Variants in GPR52 observed in about 807,000 individuals in gnomAD.
The protein encoded by GPR52 is probable G-protein coupled receptor 52.
In GPR52, 8 loss-of-function variants were observed where a neutral mutation model predicts 24.0. The ratio of observed to expected loss-of-function variants is 0.33; its 90% confidence interval spans 0.20 to 0.60. GPR52 has a LOEUF of 0.60. GPR52 is among the 20% of genes least tolerant of loss of function. GPR52 has a pLI of 0.82. For missense variants in GPR52, 412 were observed against 447.7 expected (o/e 0.92, Z 0.72); for synonymous variants, 144 against 158.1 (o/e 0.91, Z 0.67).
chr1:174,448,418 C>T lies in GPR52; in HGVS notation c.307C>T (p.His103Tyr), dbSNP rs1655037344. The change falls in exon 1 of 1, where the codon CAC (histidine) becomes TAC (tyrosine). Residue 103 changes from histidine to tyrosine, a missense_variant. Physicochemically the swap from His to Tyr is moderately conservative, Grantham distance 83. Transcript: ENST00000367685. The surrounding 1 kb of genome is among the most constrained non-coding windows in gnomAD (Gnocchi z 4.2). ...CTTGGTTCCTACTCTGTCACTTCTC[C>T]ACTACTCCACAGGTGTCCACGAGTC... ...SCLVPTLSLL[H>Y]YSTGVHESLT... 1 of 1,612,334 alleles carries T rather than the reference C, an allele frequency of 6.2e-7. No homozygotes were observed. The highest frequency in any genetic ancestry group is 1.3e-5 in the African/African-American group (1 of 74,876).
At position 174,448,878 on chromosome 1, in the gene GPR52, G is replaced by T; in HGVS notation, c.767G>T (p.Gly256Val). ...GAGGTAGATTCTTCCAGAGAGACTG[G>T]ACACAGCCCTGACCGTCGCTACGCC... The part of the protein sequence containing the change: ...SHEVDSSRET[G>V]HSPDRRYAMV... Residue 256 changes from glycine to valine, a missense_variant, in exon 1 of 1, where the codon GGA becomes GTA. By Grantham distance (109) the Gly-to-Val change is moderately radical (BLOSUM62 -3). Transcript: ENST00000367685. This position sits in a 1 kb window ranked among gnomAD's most constrained non-coding sequence, Gnocchi z 4.2. The T allele has an allele frequency of 1.2e-6, 2 of 1,613,768 alleles. No homozygotes were observed. The highest frequency in any genetic ancestry group is 2.2e-5 in the South Asian group (2 of 91,072).
In GPR52 at chr1:174,448,891, C is replaced by T; in HGVS notation, c.780C>T (p.Asp260=). 6.2e-7 allele frequency: 1 copy of T among 1,613,332 alleles called. No homozygotes were observed. The highest frequency in any genetic ancestry group is 2.2e-5 in the East Asian group (1 of 44,882). ...CCAGAGAGACTGGACACAGCCCTGA[C>T]CGTCGCTACGCCATGGTTTTGTTTA... ...DSSRETGHSP[D]RRYAMVLFRI... is the part of the protein sequence containing the mutation. Residue 260 remains aspartate (D), a synonymous_variant, in exon 1 of 1, where the codon GAC becomes GAT. Transcript: ENST00000367685. This position sits in a 1 kb window ranked among gnomAD's most constrained non-coding sequence, Gnocchi z 4.2.
chr1:174,449,236 G>T lies in GPR52; in HGVS notation c.*39G>T, dbSNP rs1254279173. ...GTAAATCAAATGTAATCTGACAGTG[G>T]TTTTGGATCATATTCTAGATTCATC... On this transcript the variant is annotated 3_prime_UTR_variant, in exon 1 of 1. Coordinates refer to ENST00000367685, the MANE Select transcript of GPR52 (RefSeq NM_005684.5). 2 of 1,499,388 alleles carry T rather than the reference G, an allele frequency of 1.3e-6. No homozygotes were observed. The highest frequency in any genetic ancestry group is 1.8e-6 in the Non-Finnish European group (2 of 1,119,178). 92.9% of individuals were successfully genotyped at this position (1,499,388 alleles called of 1,614,324 possible). A position where few individuals can be genotyped will look rare whatever the true frequency, so the allele number is the denominator to read the frequency against.
At position 174,449,048 on chromosome 1, in the gene GPR52, A is replaced by G. The variant is rs1014236076; in HGVS notation, c.937A>G (p.Asn313Asp). 1 of 1,613,856 alleles carries G rather than the reference A, an allele frequency of 6.2e-7. No individual in the cohort carries two copies. The highest frequency in any genetic ancestry group is 8.5e-7 in the Non-Finnish European group (1 of 1,179,884). Residue 313 changes from asparagine to aspartate, a missense_variant, in exon 1 of 1, where the codon AAC becomes GAC. Asn to Asp is a conservative substitution (Grantham distance 23, BLOSUM62 1). Transcript: ENST00000367685. ...GCTTGCAATAAGTAATAGTTTTTGT[A>G]ACTGTGTAATATACAGCCTCTCCAA... ...TWLAISNSFC[N>D]CVIYSLSNSV...
chr1:174,449,204 C>G lies in GPR52; in HGVS notation c.*7C>G. 1 of 1,552,728 alleles carries G rather than the reference C, an allele frequency of 6.4e-7. No individual in the cohort carries two copies. The highest frequency in any genetic ancestry group is 8.7e-7 in the Non-Finnish European group (1 of 1,154,354). ...TAATTCTTGCTCCATTTGAAGAGAG[C>G]TACATAGTAAATCAAATGTAATCTG... On this transcript the variant is annotated 3_prime_UTR_variant, in exon 1 of 1. Transcript: ENST00000367685.
chr1:174,448,918 G>C lies in GPR52; in HGVS notation c.807G>C (p.Arg269Ser). Residue 269 changes from arginine to serine, a missense_variant, in exon 1 of 1, where the codon AGG (arginine) becomes AGC (serine). Coordinates refer to ENST00000367685, the MANE Select transcript of GPR52 (RefSeq NM_005684.5). This position sits in a 1 kb window ranked among gnomAD's most constrained non-coding sequence, Gnocchi z 4.2. ...GTCGCTACGCCATGGTTTTGTTTAG[G>C]ATAACCAGTGTATTTTATATGCTGT... ...PDRRYAMVLF[R>S]ITSVFYMLWL... 6.2e-7 allele frequency: 1 copy of C among 1,613,880 alleles called. No homozygotes were observed. The highest frequency in any genetic ancestry group is 8.5e-7 in the Non-Finnish European group (1 of 1,179,818).
At position 174,448,565 on chromosome 1, in the gene GPR52, C is replaced by T. The variant is rs758577089; in HGVS notation, c.454C>T (p.Leu152=). The T allele has an allele frequency of 1.9e-6, 3 of 1,613,686 alleles. No individual in the cohort carries two copies. The highest frequency in any genetic ancestry group is 2.2e-5 in the South Asian group (2 of 91,062). The change falls in exon 1 of 1, where the codon CTG becomes TTG. Residue 152 remains leucine (L), a synonymous_variant. Transcript: ENST00000367685. The surrounding 1 kb of genome is among the most constrained non-coding windows in gnomAD (Gnocchi z 4.2). Reference sequence around the variant, plus strand: ...AACCAAGCCTCTTTCCTACAATCAACTGGTCACCCCTTGTCGCTTGAGAAT... The same window carrying T: ...AACCAAGCCTCTTTCCTACAATCAATTGGTCACCCCTTGTCGCTTGAGAAT... ...AITKPLSYNQ[L]VTPCRLRICI...
Position 174,448,557 on chromosome 1 carries a change from A to G in GPR52, c.446A>G (p.Tyr149Cys), listed in dbSNP as rs999847740. 1.8e-5 allele frequency: 29 copies of G among 1,613,258 alleles called. No individual in the cohort carries two copies. The highest frequency in any genetic ancestry group is 2.3e-5 in the Non-Finnish European group (27 of 1,179,442). The part of the protein sequence containing the change: ...RYLAITKPLS[Y>C]NQLVTPCRLR... ...CTTGCAATAACCAAGCCTCTTTCCT[A>G]CAATCAACTGGTCACCCCTTGTCGC... Residue 149 changes from tyrosine (Y) to cysteine (C), a missense_variant, in exon 1 of 1, where the codon TAC becomes TGC. Physicochemically the swap from Tyr to Cys is radical, Grantham distance 194 (BLOSUM62 -2). Coordinates refer to ENST00000367685, the MANE Select transcript of GPR52 (RefSeq NM_005684.5). This position sits in a 1 kb window ranked among gnomAD's most constrained non-coding sequence, Gnocchi z 4.2.
At position 174,449,337 on chromosome 1, in the gene GPR52, CTTTTT is replaced by C; in HGVS notation, c.*145_*149del. 4 of 675,772 alleles carry C rather than the reference CTTTTT, an allele frequency of 5.9e-6. No individual in the cohort carries two copies. Among genetic ancestry groups the C allele is most frequent in the Non-Finnish European group, 9.6e-6 (4 of 414,574 alleles). 41.9% of individuals were successfully genotyped at this position (675,772 alleles called of 1,614,324 possible). On this transcript the variant is annotated 3_prime_UTR_variant, in exon 1 of 1. Transcript: ENST00000367685. ...GAAGTATGAGACTAAAGGTTTCTCTCTTTTTTTTTCTTTTTCATGGAAGAAACTAA... is the reference window on the plus strand; with the variant it reads ...GAAGTATGAGACTAAAGGTTTCTCTCTTTTCTTTTTCATGGAAGAAACTAA...
chr1:174,448,357 G>T lies in GPR52; in HGVS notation c.246G>T (p.Thr82=). The T allele has an allele frequency of 6.2e-7, 1 of 1,613,858 alleles. No homozygotes were observed. The highest frequency in any genetic ancestry group is 8.5e-7 in the Non-Finnish European group (1 of 1,179,826). Residue 82 remains threonine, a synonymous_variant, in exon 1 of 1, where the codon ACG becomes ACT. Coordinates refer to ENST00000367685, the MANE Select transcript of GPR52 (RefSeq NM_005684.5). The surrounding 1 kb of genome is among the most constrained non-coding windows in gnomAD (Gnocchi z 4.2). ...HHYTTSYFIQ[T]MAYADLFVGV... ...ATACTACCAGCTATTTCATTCAGAC[G>T]ATGGCATATGCTGATCTTTTCGTTG...
Position 174,449,373 on chromosome 1 carries a change from A to G in GPR52, c.*176A>G, listed in dbSNP as rs992102511. Among the ~76,000 whole-genome samples, 10 of 152,216 alleles carry G rather than the reference A, an allele frequency of 6.6e-5. No homozygotes were observed. Among genetic ancestry groups the G allele is most frequent in the Non-Finnish European group, 1.2e-4 (8 of 68,034 alleles). ...TTTTTCATGGAAGAAACTAAAGGGA[A>G]GGATGTATAGAGGGTTAGCTCATGA... On this transcript the variant is annotated 3_prime_UTR_variant, in exon 1 of 1. Transcript: ENST00000367685.
chr1:174,448,075 G>C lies in GPR52; in HGVS notation c.-37G>C, dbSNP rs763430882. The C allele has an allele frequency of 3.2e-6, 5 of 1,572,750 alleles. No individual in the cohort carries two copies. The highest frequency in any genetic ancestry group is 3.4e-4 in the Middle Eastern group (2 of 5,864). On this transcript the variant is annotated 5_prime_UTR_variant, in exon 1 of 1. Transcript: ENST00000367685. The surrounding 1 kb of genome is among the most constrained non-coding windows in gnomAD (Gnocchi z 4.2). ...ATGCTGGGCAGGGCATCTGCTTGCT[G>C]TAGCCAAGTCTGCAGGTGTCTTTAA...
Position 174,447,996 on chromosome 1 carries a change from C to G in GPR52, c.-116C>G. 2.5e-6 allele frequency: 2 copies of G among 792,862 alleles called. No individual in the cohort carries two copies. Among genetic ancestry groups the G allele is most frequent in the East Asian group, 5.2e-5 (2 of 38,146 alleles). 49.1% of individuals were successfully genotyped at this position (792,862 alleles called of 1,614,324 possible). A position where few individuals can be genotyped will look rare whatever the true frequency, so the allele number is the denominator to read the frequency against. On this transcript the variant is annotated 5_prime_UTR_variant, in exon 1 of 1. Transcript: ENST00000367685. Reference sequence around the variant, plus strand: ...GGGACTCTCAGCTGTGACAGAAGCACTGACACTGTCTACTGAAGCAGGTTC... The same window carrying G: ...GGGACTCTCAGCTGTGACAGAAGCAGTGACACTGTCTACTGAAGCAGGTTC...
rs1175136159 is a variant in GPR52, at chr1:174,449,049, A to G, written c.938A>G (p.Asn313Ser). The change falls in exon 1 of 1, where the codon AAC (asparagine) becomes AGC (serine). Residue 313 changes from asparagine (N) to serine (S), a missense_variant. Asn to Ser is a conservative substitution (Grantham distance 46, BLOSUM62 1). Transcript: ENST00000367685. ...CTTGCAATAAGTAATAGTTTTTGTA[A>G]CTGTGTAATATACAGCCTCTCCAAC... ...TWLAISNSFC[N>S]CVIYSLSNSV... 6.2e-7 allele frequency: 1 copy of G among 1,613,958 alleles called. No individual in the cohort carries two copies. Among genetic ancestry groups the G allele is most frequent in the Non-Finnish European group, 8.5e-7 (1 of 1,179,930 alleles).
In GPR52 at chr1:174,448,036, G is replaced by A. The variant is rs575824384; in HGVS notation, c.-76G>A. ...GAAGCAGGTTCTGAAACACTCATGT[G>A]CGGTGTTTAACAGATGCTGGGCAGG... is the stretch of plus-strand genomic sequence containing the variant. On this transcript the variant is annotated 5_prime_UTR_variant, in exon 1 of 1. Transcript: ENST00000367685. This position sits in a 1 kb window ranked among gnomAD's most constrained non-coding sequence, Gnocchi z 4.2. The A allele has an allele frequency of 9.8e-6, 12 of 1,227,434 alleles. No individual in the cohort carries two copies. The African/African-American group carries it at 1.2e-4, about 12-fold the overall frequency. The allele number at this position is 1,227,434 out of a possible 1,614,324, so 76.0% of individuals were successfully genotyped here. A position where few individuals can be genotyped will look rare whatever the true frequency, so the allele number is the denominator to read the frequency against.
At position 174,448,892 on chromosome 1, in the gene GPR52, C is replaced by A; in HGVS notation, c.781C>A (p.Arg261Ser). 1 of 1,613,196 alleles carries A rather than the reference C, an allele frequency of 6.2e-7. No individual in the cohort carries two copies. The highest frequency in any genetic ancestry group is 8.5e-7 in the Non-Finnish European group (1 of 1,179,202). ...CAGAGAGACTGGACACAGCCCTGAC[C>A]GTCGCTACGCCATGGTTTTGTTTAG... ...SSRETGHSPDRRYAMVLFRIT... is the reference protein window; with the variant it reads ...SSRETGHSPDSRYAMVLFRIT... The change falls in exon 1 of 1, where the codon CGT becomes AGT. Residue 261 changes from arginine (R) to serine (S), a missense_variant. Coordinates refer to ENST00000367685, the MANE Select transcript of GPR52 (RefSeq NM_005684.5). This position sits in a 1 kb window ranked among gnomAD's most constrained non-coding sequence, Gnocchi z 4.2.
chr1:174,448,501 A>G lies in GPR52; in HGVS notation c.390A>G (p.Ala130=), dbSNP rs1016306663. ...CAGTTCTAAAAAGTGTTTCTATGGC[A>G]TGTCTTGCTTGCATCAGTGTGGATC... ...IISVLKSVSM[A]CLACISVDRY... Residue 130 remains alanine (A), a synonymous_variant, in exon 1 of 1, where the codon GCA becomes GCG. Coordinates refer to ENST00000367685, the MANE Select transcript of GPR52 (RefSeq NM_005684.5). The surrounding 1 kb of genome is among the most constrained non-coding windows in gnomAD (Gnocchi z 4.2). 19 of 1,613,576 alleles carry G rather than the reference A, an allele frequency of 1.2e-5. No individual in the cohort carries two copies. The highest frequency in any genetic ancestry group is 1.6e-5 in the Non-Finnish European group (19 of 1,179,626).
Position 174,448,464 on chromosome 1 carries a change from G to T in GPR52, c.353G>T (p.Gly118Val). 6.2e-7 allele frequency: 1 copy of T among 1,613,850 alleles called. No individual in the cohort carries two copies. Among genetic ancestry groups the T allele is most frequent in the Non-Finnish European group, 8.5e-7 (1 of 1,179,804 alleles). Residue 118 changes from glycine to valine, a missense_variant, in exon 1 of 1, where the codon GGA becomes GTA. Coordinates refer to ENST00000367685, the MANE Select transcript of GPR52 (RefSeq NM_005684.5). The surrounding 1 kb of genome is among the most constrained non-coding windows in gnomAD (Gnocchi z 4.2). The part of the protein sequence containing the change: ...VHESLTCQVF[G>V]YIISVLKSVS... ...GAGTCATTGACTTGCCAGGTTTTTGGATATATCATCTCAGTTCTAAAAAGT... is the reference window on the plus strand; with the variant it reads ...GAGTCATTGACTTGCCAGGTTTTTGTATATATCATCTCAGTTCTAAAAAGT...
rs1399442381 is a variant in GPR52, at chr1:174,448,645, T to A, written c.534T>A (p.Phe178Leu). 1.2e-6 allele frequency: 2 copies of A among 1,613,806 alleles called. No homozygotes were observed. The highest frequency in any genetic ancestry group is 1.7e-6 in the Non-Finnish European group (2 of 1,179,800). Reference sequence around the variant, plus strand: ...GCCTAATTTTCTTGCCTTCCTTTTTTGGCTGGGGGAAACCTGGTTACCATG... The same window carrying A: ...GCCTAATTTTCTTGCCTTCCTTTTTAGGCTGGGGGAAACCTGGTTACCATG... ...YSCLIFLPSF[F>L]GWGKPGYHGD... The change falls in exon 1 of 1, where the codon TTT becomes TTA. Residue 178 changes from phenylalanine (F) to leucine (L), a missense_variant. Coordinates refer to ENST00000367685, the MANE Select transcript of GPR52 (RefSeq NM_005684.5). The surrounding 1 kb of genome is among the most constrained non-coding windows in gnomAD (Gnocchi z 4.2).
Sources: gnomAD v4.1 joint callset for allele counts (sites outside exome capture counted in the v4.1 genomes callset) on GRCh38, gnomAD v4.1.1 for gene constraint, Gnocchi (gnomAD v3.1) non-coding constraint, MANE v1.5 for transcripts, NCBI Gene and HGNC (gene_info 2026-07-23, HGNC 2026-07-21) for gene names.